PDAP1: variants seen among roughly 807,000 people sequenced by gnomAD.
PDAP1 encodes PDGFA associated protein 1, also known as 28 kDa heat- and acid-stable phosphoprotein.
Under a neutral mutation model 28.0 loss-of-function variants are expected in PDAP1, and 13 were observed. The ratio of observed to expected loss-of-function variants is 0.46; its 90% CI spans 0.30 to 0.74. The LOEUF (loss-of-function observed/expected upper bound fraction) is 0.74, where lower values mean the gene tolerates loss of function less well. PDAP1 is among the 30% of genes least tolerant of loss of function. The probability of loss-of-function intolerance (pLI) is 0.07; values close to 1 mark genes in which losing one functional copy is unlikely to be tolerated. For missense variants in PDAP1, 150 were observed against 230.0 expected (o/e 0.65, Z 2.25); for synonymous variants, 77 against 85.1 (o/e 0.91, Z 0.52).
At position 99,396,300 on chromosome 7, in the gene PDAP1, T is replaced by C; in HGVS notation, c.*382A>G. The stretch of plus-strand genomic sequence containing the variant: ...AGTCCGGGGCTGTGTGTAGCAAACC[T>C]GTCAGCAGCTGCCTCCTGGGACAAC... On this transcript the variant is annotated 3_prime_UTR_variant, in exon 6 of 6. Coordinates refer to ENST00000350498, the MANE Select transcript of PDAP1 (RefSeq NM_014891.7). The C allele has an allele frequency of 3.0e-6, 1 of 335,792 alleles. No homozygotes were observed. The highest frequency in any genetic ancestry group is 2.3e-5 in the South Asian group (1 of 43,438). The allele number at this position is 335,792 out of a possible 1,614,324, so 20.8% of individuals were successfully genotyped here.
At position 99,395,841 on chromosome 7, in the gene PDAP1, C is replaced by A. The variant is rs981352880; in HGVS notation, c.*841G>T. 1 of 152,482 alleles carries A rather than the reference C, an allele frequency of 6.6e-6. No homozygotes were observed. 9.4% of individuals were successfully genotyped at this position (152,482 alleles called of 1,614,324 possible). ...CTAGGGTCCATCCCCGCATCCTGCT[C>A]GGTGCCACCTGACAGATGTCATGCC... On this transcript the variant is annotated 3_prime_UTR_variant, in exon 6 of 6. Coordinates refer to ENST00000350498, the MANE Select transcript of PDAP1 (RefSeq NM_014891.7).
intron 5 of PDAP1, 86 bp downstream of exon 5, chr7:99,397,776 G>T: frequency 6.6e-7 from 1 of 1,519,004 alleles, no homozygotes; most frequent in Non-Finnish European, 9.0e-7. Context: ...TTGTCACCTC[G>T]CGGACAGGGA....
At chr7:99,400,741 G>T (rs1033130909) in intron 3 of PDAP1, among the ~76,000 whole-genome samples, 12 of 152,230 alleles carry the variant, frequency 7.9e-5, no homozygotes, top group South Asian at 4.1e-4. Context: ...CTTCAAGCTC[G>T]GCTTCCAAAA....
At chr7:99,399,191 G>C (rs1280808118) in intron 4 of PDAP1, among the ~76,000 whole-genome samples, 2 of 152,138 alleles carry the variant, frequency 1.3e-5, no homozygotes, top group Non-Finnish European at 1.5e-5. Flanking sequence ...GAGCTAGCTA[G>C]AGGGGAGGGA....
intron 1 of PDAP1, among the ~76,000 whole-genome samples, chr7:99,407,480 C>G (rs886296607): frequency 1.3e-5 from 2 of 152,184 alleles, no homozygotes; most frequent in African/African-American, 2.4e-5. Flanking sequence ...CCAATTATCT[C>G]TGGAGTCAGG....
At chr7:99,402,151 C>A (rs1794878859) in intron 3 of PDAP1, among the ~76,000 whole-genome samples, 2 of 149,732 alleles carry the variant, frequency 1.3e-5, no homozygotes, top group Non-Finnish European at 3.0e-5. Flanking sequence ...ATGGCCTGAA[C>A]CCGGGAGGCG....
chr7:99,399,973 G>C (rs541008285), intron 4 of PDAP1, among the ~76,000 whole-genome samples: 1 of 152,324 alleles, frequency 6.6e-6, no homozygotes, highest in African/African-American at 2.4e-5. Context: ...GATGGATGCA[G>C]GTCAGGAATG....
intron 1 of PDAP1, among the ~76,000 whole-genome samples, chr7:99,407,762 A>C (rs1262527792): frequency 6.6e-6 from 1 of 152,182 alleles, no homozygotes; most frequent in African/African-American, 2.4e-5. Context: ...TATCGATTCT[A>C]AAGGGGGAAA....
At chr7:99,402,010 C>T (rs1794876369) in intron 3 of PDAP1, among the ~76,000 whole-genome samples, 1 of 151,930 alleles carries the variant, frequency 6.6e-6, no homozygotes, top group Admixed American at 6.5e-5. Context: ...TGGCTCACGC[C>T]TGTAATCCCA....
At chr7:99,400,451 T>C in intron 3 of PDAP1, 27 bp from the exon 4 acceptor site, 1 of 1,613,802 alleles carries the variant, frequency 6.2e-7, no homozygotes, top group Non-Finnish European at 8.5e-7. Flanking sequence ...AGCTGGTTGT[T>C]GGAGTTCAGG....
At position 99,395,567 on chromosome 7, in the gene PDAP1, G is replaced by A. The variant is rs1466299413; in HGVS notation, c.*1115C>T. 1 of 152,276 alleles carries A rather than the reference G, an allele frequency of 6.6e-6. No homozygotes were observed. The highest frequency in any genetic ancestry group is 1.5e-5 in the Non-Finnish European group (1 of 68,062). The allele number at this position is 152,276 out of a possible 1,614,324, so 9.4% of individuals were successfully genotyped here. A position where few individuals can be genotyped will look rare whatever the true frequency, so the allele number is the denominator to read the frequency against. On this transcript the variant is annotated 3_prime_UTR_variant, in exon 6 of 6. Coordinates refer to ENST00000350498, the MANE Select transcript of PDAP1 (RefSeq NM_014891.7). Reference sequence around the variant, plus strand: ...TTTATGTCATGTCACCAGGTCCTGTGCTGAAGGGCATTTGCACATCTTTTG... The same window carrying A: ...TTTATGTCATGTCACCAGGTCCTGTACTGAAGGGCATTTGCACATCTTTTG...
At chr7:99,405,716 G>C (rs1049194385) in intron 1 of PDAP1, among the ~76,000 whole-genome samples, 2 of 152,056 alleles carry the variant, frequency 1.3e-5, no homozygotes, top group Non-Finnish European at 2.9e-5. Flanking sequence ...GGTGATAGCT[G>C]GTCCCATTTC....
At chr7:99,408,477 C>T in intron 1 of PDAP1, 59 bp downstream of exon 1, 3 of 1,334,020 alleles carry the variant, frequency 2.2e-6, no homozygotes, top group South Asian at 1.8e-5. Flanking sequence ...GAGGGGACAG[C>T]GGAAGCCGGA....
intron 4 of PDAP1, among the ~76,000 whole-genome samples, chr7:99,398,791 C>G (rs1004815919): frequency 6.6e-6 from 1 of 152,220 alleles, no homozygotes; most frequent in Non-Finnish European, 1.5e-5. Context: ...AACAGACACA[C>G]CCAGTCTCAG....
intron 4 of PDAP1, 112 bp downstream of exon 4, chr7:99,400,191 A>C: frequency 4.2e-6 from 5 of 1,197,142 alleles, no homozygotes; most frequent in Non-Finnish European, 4.8e-6. Flanking sequence ...CCATTGGGGA[A>C]TGAGACAGAA....
Position 99,408,519 on chromosome 7 carries a change from CG to C in PDAP1, c.13+16del. The C allele has an allele frequency of 7.6e-7, 1 of 1,320,146 alleles. No homozygotes were observed. The highest frequency in any genetic ancestry group is 9.7e-7 in the Non-Finnish European group (1 of 1,033,712). The allele number at this position is 1,320,146 out of a possible 1,614,324, so 81.8% of individuals were successfully genotyped here. On this transcript the variant is annotated intron_variant, in intron 1 of 5. Transcript: ENST00000350498. ...CCGCCCCTCCAGGCCTGCGGGCCACCGGCGCCCGCCCCTCACCTCCTTTAGG... is the reference window on the plus strand; with the variant it reads ...CCGCCCCTCCAGGCCTGCGGGCCACCGCGCCCGCCCCTCACCTCCTTTAGG...
At chr7:99,404,977 G>A (rs776786558) in intron 1 of PDAP1, 24 bp from the exon 2 acceptor site, 3 of 1,583,754 alleles carry the variant, frequency 1.9e-6, no homozygotes, top group Non-Finnish European at 2.6e-6. Context: ...CAGTTTAGGT[G>A]AGCGGAAGCA....
intron 3 of PDAP1, among the ~76,000 whole-genome samples, chr7:99,402,810 C>T (rs1376696237): frequency 7.0e-6 from 1 of 142,550 alleles, no homozygotes; most frequent in African/African-American, 2.7e-5. Flanking sequence ...ACCTGGGAGG[C>T]GGAAGTTGCA....
At position 99,408,587 on chromosome 7, in the gene PDAP1, G is replaced by A. The variant is rs1437573783; in HGVS notation, c.-39C>T. ...GCTGCGGCGGCGGCGGCGGCGCCTC[G>A]AACTGACACCGGAACCGGAAATAGC... is the stretch of plus-strand genomic sequence containing the variant. On this transcript the variant is annotated 5_prime_UTR_variant, in exon 1 of 6. Coordinates refer to ENST00000350498, the MANE Select transcript of PDAP1 (RefSeq NM_014891.7). 5.7e-6 allele frequency: 7 copies of A among 1,231,188 alleles called. No individual in the cohort carries two copies. The highest frequency in any genetic ancestry group is 2.1e-4 in the Middle Eastern group (1 of 4,682). 76.3% of individuals were successfully genotyped at this position (1,231,188 alleles called of 1,614,324 possible). A position where few individuals can be genotyped will look rare whatever the true frequency, so the allele number is the denominator to read the frequency against.
Sources: gnomAD v4.1 joint callset for allele counts (sites outside exome capture counted in the v4.1 genomes callset) on GRCh38, gnomAD v4.1.1 for gene constraint, MANE v1.5 for transcripts, NCBI Gene and HGNC (gene_info 2026-07-23, HGNC 2026-07-21) for gene names.